ZNF101: variants seen among roughly 807,000 people sequenced by gnomAD.
ZNF101 encodes the protein zinc finger protein 101 (Y2).
Under a neutral mutation model 42.6 loss-of-function variants are expected in ZNF101, and 34 were observed. That is an observed-to-expected ratio of 0.80 (90% CI 0.61 to 1.06). The LOEUF (loss-of-function observed/expected upper bound fraction) is 1.06. ZNF101 is among the 50% of genes least tolerant of loss of function. ZNF101 has a pLI of 0.00. For missense variants in ZNF101, 466 were observed against 530.9 expected (o/e 0.88, Z 1.20); for synonymous variants, 158 against 183.9 (o/e 0.86, Z 1.14).
chr19:19,668,983 G>C lies in ZNF101; in HGVS notation c.3+17G>C. 6.3e-7 allele frequency: 1 copy of C among 1,583,594 alleles called. No homozygotes were observed. The highest frequency in any genetic ancestry group is 1.3e-5 in the African/African-American group (1 of 74,556). ...CCGGAAATGGTGAGCGTGCGGAGCC[G>C]GGCGTCCGGAGACCTGAGGAGGAGC... On this transcript the variant is annotated intron_variant, in intron 1 of 3. Coordinates refer to ENST00000592502, the MANE Select transcript of ZNF101 (RefSeq NM_033204.4).
rs1228380616 is a variant in ZNF101 at position 19,682,263 on chromosome 19, A to G, written c.*1963A>G. ...GAGACACAGTCTCACTCTGTTGCCCAGGCTAGAGTGCAGTGGCGCGATCTT... is the reference window on the plus strand; with the variant it reads ...GAGACACAGTCTCACTCTGTTGCCCGGGCTAGAGTGCAGTGGCGCGATCTT... On this transcript the variant is annotated 3_prime_UTR_variant, in exon 4 of 4. Coordinates refer to ENST00000592502, the MANE Select transcript of ZNF101 (RefSeq NM_033204.4). The G allele has an allele frequency of 6.7e-6, 1 of 149,156 alleles. No homozygotes were observed. The highest frequency in any genetic ancestry group is 1.5e-5 in the Non-Finnish European group (1 of 67,532). The allele number at this position is 149,156 out of a possible 1,614,324, so 9.2% of individuals were successfully genotyped here.
upstream of ZNF101, chr19:19,668,693 C>G: frequency 4.4e-6 from 2 of 452,268 alleles, no homozygotes; most frequent in South Asian, 7.6e-5. Context: ...GGATTCCGAT[C>G]ACCTCTCCTG....
intron 2 of ZNF101, among the ~76,000 whole-genome samples, chr19:19,678,256 G>A (rs1302621949): frequency 6.6e-6 from 1 of 151,438 alleles, no homozygotes. Context: ...GTGGGGGGTG[G>A]GCAATTGTGG....
upstream of ZNF101, chr19:19,668,762 A>C (rs1055880427): frequency 8.6e-6 from 5 of 578,110 alleles, no homozygotes; most frequent in Admixed American, 3.4e-5. Context: ...GCTGTGCGGC[A>C]AACTGTCCAA....
chr19:19,675,739 T>C (rs1318783297), intron 1 of ZNF101, among the ~76,000 whole-genome samples: 1 of 152,148 alleles, frequency 6.6e-6, no homozygotes, highest in East Asian at 1.9e-4. Context: ...CCGGGCACAG[T>C]GGCTTATGCG....
chr19:19,668,226 C>T (rs931629347), upstream of ZNF101, among the ~76,000 whole-genome samples: 1 of 152,112 alleles, frequency 6.6e-6, no homozygotes, highest in South Asian at 2.1e-4. Context: ...TATTAACCTG[C>T]TGGGCTGCTC....
At chr19:19,673,565 C>T (rs375439094) in intron 1 of ZNF101, among the ~76,000 whole-genome samples, 29 of 151,818 alleles carry the variant, frequency 1.9e-4, no homozygotes, top group Admixed American at 4.6e-4. Flanking sequence ...GTAAAGTCTT[C>T]GAACACATGA....
At chr19:19,673,750 G>A in intron 1 of ZNF101, among the ~76,000 whole-genome samples, 1 of 117,846 alleles carries the variant, frequency 8.5e-6, no homozygotes, top group African/African-American at 3.2e-5. Context: ...TGGGCTATTT[G>A]GTGTCCTGGG....
At position 19,680,357 on chromosome 19, in the gene ZNF101, T is replaced by C. The variant is rs2062233228; in HGVS notation, c.*57T>C. On this transcript the variant is annotated 3_prime_UTR_variant, in exon 4 of 4. Transcript: ENST00000592502. ...ATCGGCTGGGTACGGTGGCTCACGC[T>C]TGTAATCCCAGCACTTTGGGAGGCT... The C allele has an allele frequency of 4.7e-5, 47 of 1,004,310 alleles. 1 individual carries two copies. In the South Asian group the frequency reaches 9.1e-4, roughly 20 times the overall value. 62.2% of individuals were successfully genotyped at this position (1,004,310 alleles called of 1,614,324 possible).
Position 19,669,058 on chromosome 19 carries a change from G to A in ZNF101, c.3+92G>A, listed in dbSNP as rs1436441720. 7 of 1,499,544 alleles carry A rather than the reference G, an allele frequency of 4.7e-6. No homozygotes were observed. The East Asian group carries it at 1.8e-4, about 38-fold the overall frequency. The allele number at this position is 1,499,544 out of a possible 1,614,324, so 92.9% of individuals were successfully genotyped here. A position where few individuals can be genotyped will look rare whatever the true frequency, so the allele number is the denominator to read the frequency against. On this transcript the variant is annotated intron_variant, in intron 1 of 3. Coordinates refer to ENST00000592502, the MANE Select transcript of ZNF101 (RefSeq NM_033204.4). ...CCTGGGCCTCCCCGCGGCGACTGTG[G>A]GGGTCTGGGACCCGAGTCCCCCAGG...
At chr19:19,678,596 C>T (rs546630614) in intron 2 of ZNF101, 130 bp from the exon 3 acceptor site, 22 of 700,962 alleles carry the variant, frequency 3.1e-5, no homozygotes, top group African/African-American at 3.0e-4. Context: ...GCCTGGGTGG[C>T]AGAGTGAGAC....
At chr19:19,668,810 G>T (rs1032814202), upstream of ZNF101, 5 of 959,574 alleles carry the variant, frequency 5.2e-6, no homozygotes, top group Admixed American at 2.8e-5. Flanking sequence ...TCCAAAGCCC[G>T]AAGCGGTCTC....
rs1196737968 is a variant in ZNF101 at position 19,680,158 on chromosome 19, G to A, written c.1169G>A (p.Gly390Glu). 1 of 1,611,918 alleles carries A rather than the reference G, an allele frequency of 6.2e-7. No individual in the cohort carries two copies. Among genetic ancestry groups the A allele is most frequent in the South Asian group, 1.1e-5 (1 of 90,532 alleles). The change falls in exon 4 of 4, where the codon GGA becomes GAA. Residue 390 changes from glycine (G) to glutamate (E), a missense_variant. Coordinates refer to ENST00000592502, the MANE Select transcript of ZNF101 (RefSeq NM_033204.4). ...SLRRHEMTHT[G>E]EKPFDCKQCG... Reference sequence around the variant, plus strand: ...CGAAGACATGAAATGACTCACACTGGAGAAAAACCCTTTGATTGTAAACAG... The same window carrying A: ...CGAAGACATGAAATGACTCACACTGAAGAAAAACCCTTTGATTGTAAACAG...
In ZNF101 at chr19:19,680,480, A is replaced by G. The variant is rs1042410154; in HGVS notation, c.*180A>G. 13 of 359,242 alleles carry G rather than the reference A, an allele frequency of 3.6e-5. No homozygotes were observed. The highest frequency in any genetic ancestry group is 6.5e-5 in the Non-Finnish European group (13 of 200,552). The allele number at this position is 359,242 out of a possible 1,614,324, so 22.3% of individuals were successfully genotyped here. On this transcript the variant is annotated 3_prime_UTR_variant, in exon 4 of 4. Transcript: ENST00000592502. ...AAAAATACAAAAAAATTAACTGGGCATGGTGGTGGGCACCTGTAATCTCAG... is the reference window on the plus strand; with the variant it reads ...AAAAATACAAAAAAATTAACTGGGCGTGGTGGTGGGCACCTGTAATCTCAG...
intron 1 of ZNF101, among the ~76,000 whole-genome samples, chr19:19,670,931 C>G (rs2062164498): frequency 6.6e-6 from 1 of 152,168 alleles, no homozygotes; most frequent in Non-Finnish European, 1.5e-5. Context: ...CGGGGAAACC[C>G]CGTCTCTACT....
At position 19,668,840 on chromosome 19, in the gene ZNF101, T is replaced by G; in HGVS notation, c.-124T>G. ...GGTCTCATTTCCCGCCGGCCCCCCA[T>G]TCGGGTCCGGGTTTTAGTTCCTCGG... On this transcript the variant is annotated 5_prime_UTR_variant, in exon 1 of 4. Transcript: ENST00000592502. The G allele has an allele frequency of 7.7e-7, 1 of 1,291,336 alleles. No individual in the cohort carries two copies. The highest frequency in any genetic ancestry group is 1.0e-6 in the Non-Finnish European group (1 of 961,836). 80.0% of individuals were successfully genotyped at this position (1,291,336 alleles called of 1,614,324 possible).
At chr19:19,673,930 A>T (rs2062187083) in intron 1 of ZNF101, among the ~76,000 whole-genome samples, 1 of 150,740 alleles carries the variant, frequency 6.6e-6, no homozygotes, top group African/African-American at 2.4e-5. Flanking sequence ...AGTAGTTGGG[A>T]TTACAGGTGC....
rs1338828131 is a variant in ZNF101 at position 19,683,057 on chromosome 19, G to C, written c.*2757G>C. ...CTGACCTTGTGATCCACCCCACCTTGGCCTCCCAAAGTGCTGAGATTACAG... is the reference window on the plus strand; with the variant it reads ...CTGACCTTGTGATCCACCCCACCTTCGCCTCCCAAAGTGCTGAGATTACAG... On this transcript the variant is annotated 3_prime_UTR_variant, in exon 4 of 4. Transcript: ENST00000592502. 1 of 151,896 alleles carries C rather than the reference G, an allele frequency of 6.6e-6. No homozygotes were observed. The allele number at this position is 151,896 out of a possible 1,614,324, so 9.4% of individuals were successfully genotyped here.
intron 2 of ZNF101, 116 bp downstream of exon 2, chr19:19,678,106 C>A (rs946506060): frequency 6.9e-7 from 1 of 1,445,780 alleles, no homozygotes; most frequent in Admixed American, 2.0e-5. Flanking sequence ...AATGGGGCAT[C>A]GTGGGCCAGG....
Sources: gnomAD v4.1 joint callset for allele counts (sites outside exome capture counted in the v4.1 genomes callset) on GRCh38, gnomAD v4.1.1 for gene constraint, MANE v1.5 for transcripts, NCBI Gene and HGNC (gene_info 2026-07-23, HGNC 2026-07-21) for gene names.